PAM: variants seen among roughly 807,000 people sequenced by gnomAD.
The protein encoded by PAM is peptidyl-glycine alpha-amidating monooxygenase.
A neutral mutation model predicts 122.1 loss-of-function variants in PAM; 72 were observed. The observed-to-expected ratio is 0.59, with a 90% CI of 0.49 to 0.72. The LOEUF is 0.72. Ranked by LOEUF, PAM falls within the 30% of genes least tolerant of loss-of-function variation. PAM has a pLI of 0.00. For synonymous variants in PAM, 389 were observed against 404.4 expected (o/e 0.96, Z 0.46); for missense variants, 1,106 against 1,183.7 (o/e 0.93, Z 0.96).
chr5:102,819,493 A>G (rs916789540), intron 1 of PAM, among the ~76,000 whole-genome samples: 3 of 151,684 alleles, frequency 2.0e-5, no homozygotes, highest in African/African-American at 7.3e-5. Context: ...TAGTAGGGTG[A>G]CTCTTAGATA....
intron 15 of PAM, among the ~76,000 whole-genome samples, chr5:102,975,508 A>G (rs1235870782): frequency 6.6e-6 from 1 of 152,172 alleles, no homozygotes; most frequent in Non-Finnish European, 1.5e-5. Context: ...GCTCTAACTC[A>G]TTCTGGATTT....
intron 1 of PAM, among the ~76,000 whole-genome samples, chr5:102,841,570 T>C (rs1028962078): frequency 6.6e-6 from 1 of 152,178 alleles, no homozygotes; most frequent in Admixed American, 6.6e-5. Context: ...TTAATTTTAA[T>C]GCTTCAAGAA....
chr5:103,006,389 G>A (rs892288302), intron 18 of PAM, among the ~76,000 whole-genome samples: 6 of 151,916 alleles, frequency 3.9e-5, no homozygotes, highest in Admixed American at 2.0e-4. Context: ...TATATCAAGC[G>A]TAATATGCTT....
chr5:102,907,518 C>G (rs1799938586), intron 4 of PAM, among the ~76,000 whole-genome samples: 2 of 151,062 alleles, frequency 1.3e-5, no homozygotes, highest in South Asian at 4.2e-4. Flanking sequence ...AATGGTATTT[C>G]TAGTTCTAGA....
intron 14 of PAM, among the ~76,000 whole-genome samples, chr5:102,969,985 G>A (rs966565775): frequency 8.5e-5 from 13 of 152,168 alleles, no homozygotes; most frequent in African/African-American, 3.1e-4. Context: ...GATAGGTGGA[G>A]AAGACCTGTA....
At chr5:103,016,050 T>C (rs1781889350) in intron 21 of PAM, among the ~76,000 whole-genome samples, 1 of 152,200 alleles carries the variant, frequency 6.6e-6, no homozygotes, top group Non-Finnish European at 1.5e-5. Flanking sequence ...ATCCATTAAC[T>C]GAACCTCCCA....
At chr5:102,838,079 A>T (rs1436002184) in intron 1 of PAM, 3 of 152,216 alleles carry the variant, frequency 2.0e-5, no homozygotes, top group African/African-American at 7.2e-5. Flanking sequence ...GAAATTGATT[A>T]TAGTTCATTC....
intron 1 of PAM, among the ~76,000 whole-genome samples, chr5:102,756,580 C>T (rs1750394122): frequency 6.6e-6 from 1 of 152,134 alleles, no homozygotes; most frequent in African/African-American, 2.4e-5. Context: ...TAACATGTGA[C>T]ATATTGTTTG....
chr5:102,898,182 T>A (rs1666719105), intron 3 of PAM, among the ~76,000 whole-genome samples: 1 of 151,588 alleles, frequency 6.6e-6, no homozygotes, highest in Non-Finnish European at 1.5e-5. Flanking sequence ...CCCTCTCGAT[T>A]CAGATTCGGC....
chr5:103,020,066 T>G (rs1360179048), intron 23 of PAM, among the ~76,000 whole-genome samples: 1 of 151,988 alleles, frequency 6.6e-6, no homozygotes, highest in Non-Finnish European at 1.5e-5. Flanking sequence ...TGATTTCAAG[T>G]GATAGAAAGT....
Position 102,971,855 on chromosome 5 carries a change from C to T in PAM, c.1163-2261C>T, listed in dbSNP as rs541072944. 3.3e-5 allele frequency among the ~76,000 whole-genome samples: 5 copies of T among 152,196 alleles called. No homozygotes were observed. In the East Asian group the frequency reaches 7.7e-4, roughly 24 times the overall value. On this transcript the variant is annotated intron_variant, in intron 14 of 25. Coordinates refer to ENST00000438793, the MANE Select transcript of PAM (RefSeq NM_001177306.2). ...TCTAGTACACTAGAAGAGGAAAAAA[C>T]TCTTTCTGGTTTGCACATAGGAATG...
intron 24 of PAM, among the ~76,000 whole-genome samples, chr5:103,026,298 T>TTGATCAAGAAACAGCATC (rs1784918263): frequency 6.6e-6 from 1 of 152,110 alleles, no homozygotes; most frequent in African/African-American, 2.4e-5. Flanking sequence ...GGGGGAGCAT[T>TTGATCAAGAAACAGCATC]TGATCAAGAA....
intron 16 of PAM, among the ~76,000 whole-genome samples, chr5:102,997,861 C>T (rs1229771055): frequency 6.6e-6 from 1 of 152,194 alleles, no homozygotes; most frequent in Non-Finnish European, 1.5e-5. Flanking sequence ...ATGTTTTTCA[C>T]TTACCTACTT....
chr5:102,781,577 T>C (rs1482452417), intron 1 of PAM, among the ~76,000 whole-genome samples: 1 of 152,236 alleles, frequency 6.6e-6, no homozygotes, highest in African/African-American at 2.4e-5. Flanking sequence ...CTGTTCCTTT[T>C]ACCACATTGC....
At chr5:102,818,338 G>C (rs1267841179) in intron 1 of PAM, among the ~76,000 whole-genome samples, 1 of 151,402 alleles carries the variant, frequency 6.6e-6, no homozygotes, top group African/African-American at 2.4e-5. Flanking sequence ...CTGTTACATA[G>C]AGAACACACA....
At chr5:102,782,463 A>G (rs1317657854) in intron 1 of PAM, among the ~76,000 whole-genome samples, 2 of 152,240 alleles carry the variant, frequency 1.3e-5, no homozygotes, top group Non-Finnish European at 2.9e-5. Context: ...ATTGACAGCT[A>G]TAGAGGAGAA....
At chr5:102,781,152 T>C (rs568696667) in intron 1 of PAM, among the ~76,000 whole-genome samples, 27 of 152,152 alleles carry the variant, frequency 1.8e-4, no homozygotes, top group Admixed American at 6.5e-5. Flanking sequence ...TACTTGTAGA[T>C]ATTGCTAACA....
chr5:102,783,217 T>A (rs181451643), intron 1 of PAM, among the ~76,000 whole-genome samples: 710 of 136,138 alleles, frequency 5.2e-3, no homozygotes, highest in Non-Finnish European at 9.1e-3. Context: ...TGTGGGTGTA[T>A]TACCAGATTT....
chr5:103,005,784 T>C (rs1192956593), intron 18 of PAM, among the ~76,000 whole-genome samples: 1 of 152,230 alleles, frequency 6.6e-6, no homozygotes, highest in Admixed American at 6.5e-5. Context: ...AAAGCTAGTA[T>C]GTAAATGATG....
Sources: gnomAD v4.1 joint callset for allele counts (sites outside exome capture counted in the v4.1 genomes callset) on GRCh38, gnomAD v4.1.1 for gene constraint, MANE v1.5 for transcripts, NCBI Gene and HGNC (gene_info 2026-07-23, HGNC 2026-07-21) for gene names.